The following VWC2 variants were observed in gnomAD, a reference collection of about 807,000 sequenced individuals.
The protein encoded by VWC2 is brorin.
Under a neutral mutation model 29.8 loss-of-function variants are expected in VWC2, and 14 were observed. The observed-to-expected ratio is 0.47, with a 90% CI of 0.31 to 0.74. VWC2 has a LOEUF of 0.74. Ranked by LOEUF, VWC2 falls within the 30% of genes least tolerant of loss-of-function variation. The pLI, the probability that VWC2 is intolerant of heterozygous loss-of-function variation, is 0.05. For synonymous variants in VWC2, 213 were observed against 199.0 expected, an observed-to-expected ratio of 1.07 and a Z score of -0.59; for missense variants, 457 against 459.8, an observed-to-expected ratio of 0.99 and a Z score of 0.05.
At chr7:49,910,470 A>C (rs1793349060) in intron 3 of VWC2, among the ~76,000 whole-genome samples, 1 of 152,202 alleles carries the variant, frequency 6.6e-6, no homozygotes, top group African/African-American at 2.4e-5. Flanking sequence ...GTTGAAGATA[A>C]AAGTTGAGGG....
intron 1 of VWC2, among the ~76,000 whole-genome samples, chr7:49,774,906 C>T (rs895022451): frequency 1.3e-5 from 2 of 152,240 alleles, no homozygotes; most frequent in South Asian, 2.1e-4. Flanking sequence ...CCTGTACATT[C>T]GTCCGTCTCT....
At chr7:49,833,794 C>A (rs978480735) in intron 3 of VWC2, among the ~76,000 whole-genome samples, 8 of 152,048 alleles carry the variant, frequency 5.3e-5, no homozygotes, top group Non-Finnish European at 1.0e-4. Flanking sequence ...CAAGAGTTGA[C>A]CCCAAGTTCC....
In VWC2 at chr7:49,871,375, T is replaced by C. The variant is rs550186056; in HGVS notation, c.827-40659T>C. 4.6e-5 allele frequency among the ~76,000 whole-genome samples: 7 copies of C among 152,270 alleles called. No individual in the cohort carries two copies. The East Asian group carries it at 1.4e-3, about 29-fold the overall frequency. On this transcript the variant is annotated intron_variant, in intron 3 of 3. Coordinates refer to ENST00000340652, the MANE Select transcript of VWC2 (RefSeq NM_198570.5). Reference sequence around the variant, plus strand: ...CCCATGGTTTTCTTTATTATAACATTGCTTTTAATAAGAAAATATGAAATT... The same window carrying C: ...CCCATGGTTTTCTTTATTATAACATCGCTTTTAATAAGAAAATATGAAATT...
At chr7:49,816,121 T>G (rs1789137259) in intron 3 of VWC2, among the ~76,000 whole-genome samples, 1 of 152,052 alleles carries the variant, frequency 6.6e-6, no homozygotes, top group South Asian at 2.1e-4. Context: ...TACTTAAGCC[T>G]GTAGTTGGAG....
At chr7:49,840,144 G>A (rs747596357) in intron 3 of VWC2, among the ~76,000 whole-genome samples, 23 of 152,230 alleles carry the variant, frequency 1.5e-4, no homozygotes, top group Non-Finnish European at 3.1e-4. Context: ...TGTCTGAGAA[G>A]AGTGACTGTT....
chr7:49,904,737 T>A (rs1403258805), intron 3 of VWC2, among the ~76,000 whole-genome samples: 2 of 12,448 alleles, frequency 1.6e-4, no homozygotes, highest in African/African-American at 4.1e-4. Flanking sequence ...CATATATTAA[T>A]TTTTTTTTTT....
intron 2 of VWC2, among the ~76,000 whole-genome samples, chr7:49,801,676 G>T (rs2128705771): frequency 6.6e-6 from 1 of 152,368 alleles, no homozygotes; most frequent in Admixed American, 6.5e-5. Flanking sequence ...TGGGCAGAAT[G>T]ACCTGGAGGA....
rs6583398 is a variant in VWC2, at chr7:49,916,798, A to T, written c.*4613A>T. The T allele has an allele frequency of 6.6e-6, 1 of 152,146 alleles. No individual in the cohort carries two copies. The highest frequency in any genetic ancestry group is 2.4e-5 in the African/African-American group (1 of 41,498). 9.4% of individuals were successfully genotyped at this position (152,146 alleles called of 1,614,324 possible). A position where few individuals can be genotyped will look rare whatever the true frequency, so the allele number is the denominator to read the frequency against. ...TGTCTTTTGATTTCTCTGTCAACTT[A>T]CAAGTATCAAATATCTAAGTCACAG... On this transcript the variant is annotated 3_prime_UTR_variant, in exon 4 of 4. Transcript: ENST00000340652.
chr7:49,779,647 G>C (rs1290625247), intron 2 of VWC2, among the ~76,000 whole-genome samples: 1 of 151,512 alleles, frequency 6.6e-6, no homozygotes, highest in Non-Finnish European at 1.5e-5. Flanking sequence ...CAGTACATTA[G>C]TCTGCTAGGG....
In VWC2 at chr7:49,888,276, T is replaced by C. The variant is rs187177444; in HGVS notation, c.827-23758T>C. Reference sequence around the variant, plus strand: ...GGTTTAATCCTGCTCCTAATTCTACTTTTCCTTATTTGTTCACAGTAACTT... The same window carrying C: ...GGTTTAATCCTGCTCCTAATTCTACCTTTCCTTATTTGTTCACAGTAACTT... On this transcript the variant is annotated intron_variant, in intron 3 of 3. Coordinates refer to ENST00000340652, the MANE Select transcript of VWC2 (RefSeq NM_198570.5). Among the ~76,000 whole-genome samples, 5 of 152,350 alleles carry C rather than the reference T, an allele frequency of 3.3e-5. No individual in the cohort carries two copies. In the East Asian group the frequency reaches 9.6e-4, roughly 29 times the overall value.
intron 2 of VWC2, among the ~76,000 whole-genome samples, chr7:49,790,560 G>T (rs2128703678): frequency 6.6e-6 from 1 of 152,260 alleles, no homozygotes. Flanking sequence ...GTAGCTTGTG[G>T]ATCAACTTCA....
chr7:49,814,678 C>G (rs890855693), intron 3 of VWC2, among the ~76,000 whole-genome samples: 1 of 152,174 alleles, frequency 6.6e-6, no homozygotes, highest in Admixed American at 6.6e-5. Flanking sequence ...TATGCTTCCT[C>G]AAGACAAACT....
At chr7:49,796,974 G>C (rs1788606787) in intron 2 of VWC2, among the ~76,000 whole-genome samples, 1 of 152,104 alleles carries the variant, frequency 6.6e-6, no homozygotes, top group African/African-American at 2.4e-5. Flanking sequence ...TTTAAGAAGT[G>C]TTTTGTGTGT....
At chr7:49,902,951 A>C (rs1792851865) in intron 3 of VWC2, among the ~76,000 whole-genome samples, 1 of 152,202 alleles carries the variant, frequency 6.6e-6, no homozygotes, top group African/African-American at 2.4e-5. Context: ...GTTAGAAAAT[A>C]GGCAAAATAC....
At chr7:49,859,693 G>A (rs911479448) in intron 3 of VWC2, among the ~76,000 whole-genome samples, 2 of 152,144 alleles carry the variant, frequency 1.3e-5, no homozygotes, top group African/African-American at 4.8e-5. Context: ...GTTGCCAATC[G>A]GTGGGCAAGT....
chr7:49,793,816 C>T (rs1048383323), intron 2 of VWC2, among the ~76,000 whole-genome samples: 1 of 152,156 alleles, frequency 6.6e-6, no homozygotes, highest in Non-Finnish European at 1.5e-5. Flanking sequence ...TAATAACCAA[C>T]TGAGAAGGGA....
At chr7:49,864,995 G>A (rs1462855158) in intron 3 of VWC2, among the ~76,000 whole-genome samples, 2 of 135,740 alleles carry the variant, frequency 1.5e-5, no homozygotes, top group African/African-American at 5.4e-5. Flanking sequence ...GGGAGGGGTA[G>A]AGCTGCCTAC....
chr7:49,867,272 A>G (rs576965299), intron 3 of VWC2, among the ~76,000 whole-genome samples: 3 of 152,216 alleles, frequency 2.0e-5, no homozygotes, highest in East Asian at 1.9e-4. Context: ...CACTAAAAAT[A>G]TACTTAAAGA....
intron 3 of VWC2, among the ~76,000 whole-genome samples, chr7:49,867,046 C>A (rs1027523900): frequency 3.3e-5 from 5 of 152,176 alleles, no homozygotes; most frequent in African/African-American, 1.2e-4. Flanking sequence ...ATCTTTGTAA[C>A]CATCTCGTTA....
Sources: allele counts gnomAD v4.1 joint callset (sites outside exome capture counted in the v4.1 genomes callset), GRCh38; gene constraint gnomAD v4.1.1; transcripts MANE v1.5; gene names NCBI Gene and HGNC (gene_info 2026-07-23, HGNC 2026-07-21).